The following UCHL1 variants were observed in gnomAD, a reference collection of about 807,000 sequenced individuals.
UCHL1 encodes ubiquitin C-terminal hydrolase L1.
UCHL1 carries 5 observed loss-of-function variants against 33.3 expected under a neutral mutation model. That is an observed-to-expected ratio of 0.15 (90% confidence interval 0.08 to 0.32). The LOEUF (loss-of-function observed/expected upper bound fraction) is 0.32. Ranked by LOEUF, UCHL1 falls within the 10% of genes least tolerant of loss-of-function variation. The pLI is 1.00. For missense variants in UCHL1, 236 were observed against 280.0 expected, an observed-to-expected ratio of 0.84 and a Z score of 1.12; for synonymous variants, 132 against 108.8, an observed-to-expected ratio of 1.21 and a Z score of -1.33.
intron 7 of UCHL1, among the ~76,000 whole-genome samples, chr4:41,263,721 G>A (rs1158377661): frequency 6.6e-6 from 1 of 152,214 alleles, no homozygotes; most frequent in Non-Finnish European, 1.5e-5. Flanking sequence ...CAAAGGCAAA[G>A]GAATAGTGAA....
At position 41,268,147 on chromosome 4, in the gene UCHL1, TA is replaced by T. The variant is rs2154087377; in HGVS notation, c.*78del. The T allele has an allele frequency of 7.2e-7, 1 of 1,387,008 alleles. No homozygotes were observed. Among genetic ancestry groups the T allele is most frequent in the African/African-American group, 1.4e-5 (1 of 70,698 alleles). 85.9% of individuals were successfully genotyped at this position (1,387,008 alleles called of 1,614,324 possible). On this transcript the variant is annotated 3_prime_UTR_variant, in exon 9 of 9. Transcript: ENST00000284440. ...AAAATATATACCCCCCCATGCAGTC[TA>T]AAATGCTTCAGTACTTGTGAAACAC... is the stretch of plus-strand genomic sequence containing the variant.
At chr4:41,264,074 A>G in intron 7 of UCHL1, 29 bp from the exon 8 acceptor site, 1 of 1,614,176 alleles carries the variant, frequency 6.2e-7, no homozygotes, top group Non-Finnish European at 8.5e-7. Flanking sequence ...ATGCAGAGAA[A>G]ATTGACATGC....
intron 3 of UCHL1, among the ~76,000 whole-genome samples, chr4:41,258,971 C>T (rs985629042): frequency 6.6e-6 from 1 of 152,212 alleles, no homozygotes; most frequent in African/African-American, 2.4e-5. Context: ...ACCATGATGA[C>T]TCGGAGGTTT....
intron 2 of UCHL1, 91 bp from the exon 3 acceptor site, chr4:41,257,518 G>C (rs1352749391): frequency 6.1e-5 from 83 of 1,364,224 alleles, no homozygotes; most frequent in Non-Finnish European, 7.3e-5. Context: ...GTGCGGGCGC[G>C]GAGGGCGCGC....
In UCHL1 at chr4:41,256,950, G is replaced by A. The variant is rs777866474; in HGVS notation, c.-27G>A. 7.4e-6 allele frequency: 12 copies of A among 1,613,962 alleles called. No individual in the cohort carries two copies. The Admixed American group carries it at 1.2e-4, about 16-fold the overall frequency. The stretch of plus-strand genomic sequence containing the variant: ...GCTAGCTGTTTTTCGTCTTCCCTAG[G>A]CTATTTCTGCCGGGCGCTCCGCGAA... On this transcript the variant is annotated 5_prime_UTR_variant, in exon 1 of 9. Coordinates refer to ENST00000284440, the MANE Select transcript of UCHL1 (RefSeq NM_004181.5).
intron 2 of UCHL1, 55 bp downstream of exon 2, chr4:41,257,181 G>C: frequency 6.2e-7 from 1 of 1,610,826 alleles, no homozygotes; most frequent in South Asian, 1.1e-5. Flanking sequence ...GCCGAGGCGG[G>C]GGCGCCCACC....
intron 2 of UCHL1, chr4:41,257,361 C>G: frequency 1.1e-6 from 1 of 912,310 alleles, no homozygotes; most frequent in East Asian, 2.9e-5. Flanking sequence ...GAGCGCCAGG[C>G]GGAGCTCCCG....
chr4:41,259,205 C>G (rs1323987517), intron 3 of UCHL1, among the ~76,000 whole-genome samples: 2 of 152,120 alleles, frequency 1.3e-5, no homozygotes. Context: ...ACACTGAAGC[C>G]GATTGAAAGA....
intron 3 of UCHL1, 72 bp downstream of exon 3, chr4:41,257,809 C>A: frequency 6.6e-7 from 1 of 1,509,750 alleles, no homozygotes; most frequent in Non-Finnish European, 8.8e-7. Context: ...TCCTCGGGGG[C>A]TCCCCGCCCC....
intron 8 of UCHL1, 51 bp downstream of exon 8, chr4:41,264,212 A>G (rs748932600): frequency 6.2e-7 from 1 of 1,610,744 alleles, no homozygotes; most frequent in Non-Finnish European, 8.5e-7. Context: ...TTCTTTGGCT[A>G]AATTTTCTAT....
intron 6 of UCHL1, among the ~76,000 whole-genome samples, chr4:41,262,433 C>T (rs1781085049): frequency 6.6e-6 from 1 of 152,116 alleles, no homozygotes; most frequent in African/African-American, 2.4e-5. Flanking sequence ...GTGACCCTGT[C>T]TCAATAACAG....
chr4:41,263,385 G>C, intron 7 of UCHL1, 94 bp downstream of exon 7: 3 of 1,207,724 alleles, frequency 2.5e-6, no homozygotes, highest in African/African-American at 1.5e-5. Flanking sequence ...TATGGCACTT[G>C]GCATATCATT....
At chr4:41,258,543 T>G (rs1781020598) in intron 3 of UCHL1, among the ~76,000 whole-genome samples, 1 of 152,156 alleles carries the variant, frequency 6.6e-6, no homozygotes, top group African/African-American at 2.4e-5. Context: ...TGCAGTCTTG[T>G]GATGTATGGA....
Position 41,258,151 on chromosome 4 carries a change from A to AG in UCHL1, c.174+419dup, listed in dbSNP as rs141749248. Among the ~76,000 whole-genome samples, 415 of 152,188 alleles carry AG rather than the reference A, an allele frequency of 2.7e-3. 4 individuals are homozygous for AG. Among genetic ancestry groups the AG allele is most frequent in the African/African-American group, 9.7e-3 (401 of 41,532 alleles). ...AGACTCCCACCTAGCTGTAGAATGG[A>AG]GGGGGAAGGGCTGACCTAAATCGCA... On this transcript the variant is annotated intron_variant, in intron 3 of 8. Transcript: ENST00000284440.
chr4:41,263,512 AAG>A (rs922504193), intron 7 of UCHL1, among the ~76,000 whole-genome samples: 4 of 111,812 alleles, frequency 3.6e-5, no homozygotes, highest in Non-Finnish European at 7.2e-5. Flanking sequence ...TTTCTGGGCA[AAG>A]AGTACGTCTG....
intron 8 of UCHL1, among the ~76,000 whole-genome samples, chr4:41,266,278 TAA>T (rs1397387839): frequency 2.7e-5 from 4 of 150,846 alleles, no homozygotes; most frequent in South Asian, 2.1e-4. Flanking sequence ...TATTTAAAAT[TAA>T]AAGAGTTTCT....
chr4:41,262,183 C>A (rs371488268), intron 6 of UCHL1, among the ~76,000 whole-genome samples: 1 of 152,194 alleles, frequency 6.6e-6, no homozygotes, highest in Non-Finnish European at 1.5e-5. Context: ...TCTTATAGGT[C>A]AGGCATAGTG....
rs763427877 is a variant in UCHL1 at position 41,261,965 on chromosome 4, A to G, written c.459+42A>G. The stretch of plus-strand genomic sequence containing the variant: ...ATCGGAGCCAGGCTGCCTGGGTGCC[A>G]TCTGTGTTTCTACTGAAATTGTGCA... On this transcript the variant is annotated intron_variant, in intron 6 of 8. Transcript: ENST00000284440. The G allele has an allele frequency of 7.5e-6, 12 of 1,609,088 alleles. No homozygotes were observed. In the South Asian group the frequency reaches 1.2e-4, roughly 16 times the overall value.
At chr4:41,266,448 G>A (rs4861387) in intron 8 of UCHL1, among the ~76,000 whole-genome samples, 32,611 of 151,884 alleles carry the variant, frequency 0.21, 3,707 homozygotes, top group African/African-American at 0.24. Flanking sequence ...AATGAATTAG[G>A]TCCCTGCACG....
Sources: gnomAD v4.1 joint callset for allele counts (sites outside exome capture counted in the v4.1 genomes callset) on GRCh38, gnomAD v4.1.1 for gene constraint, MANE v1.5 for transcripts, NCBI Gene and HGNC (gene_info 2026-07-23, HGNC 2026-07-21) for gene names.